The following LVRN variants were observed in gnomAD, a reference collection of about 807,000 sequenced individuals.
LVRN encodes aminopeptidase Q.
A neutral mutation model predicts 111.4 loss-of-function variants in LVRN; 99 were observed. The ratio of observed to expected loss-of-function variants is 0.89; its 90% confidence interval spans 0.76 to 1.05. LVRN has a LOEUF of 1.05. LVRN is among the 50% of genes least tolerant of loss of function. The pLI is 0.00. For missense variants in LVRN, 1,414 were observed against 1,206.8 expected (o/e 1.17, Z -2.54); for synonymous variants, 488 against 449.5 (o/e 1.09, Z -1.08).
At chr5:115,992,393 C>T (rs1438726261) in intron 5 of LVRN, 116 bp downstream of exon 5, 11 of 1,203,084 alleles carry the variant, frequency 9.1e-6, no homozygotes, top group African/African-American at 1.5e-5. Context: ...AAAAGAAAAA[C>T]ATCTCAAAGT....
intron 6 of LVRN, among the ~76,000 whole-genome samples, chr5:115,997,568 G>A (rs763052656): frequency 2.9e-4 from 44 of 152,070 alleles, no homozygotes; most frequent in Non-Finnish European, 5.4e-4. Flanking sequence ...GGAGGCTGCA[G>A]TGAGAGGATT....
chr5:115,983,070 A>C (rs1176457198), intron 1 of LVRN, among the ~76,000 whole-genome samples: 3 of 152,130 alleles, frequency 2.0e-5, no homozygotes, highest in Non-Finnish European at 4.4e-5. Flanking sequence ...TTTGTGGTTT[A>C]AAAGTAAAGG....
chr5:115,990,992 G>A (rs1747973342), intron 4 of LVRN, among the ~76,000 whole-genome samples: 1 of 151,994 alleles, frequency 6.6e-6, no homozygotes, highest in Non-Finnish European at 1.5e-5. Flanking sequence ...CCTTTCTCCT[G>A]TTGTCAACAT....
chr5:116,015,319 G>C lies in LVRN; in HGVS notation c.2518G>C (p.Asp840His). 1 of 1,612,348 alleles carries C rather than the reference G, an allele frequency of 6.2e-7. No homozygotes were observed. The highest frequency in any genetic ancestry group is 8.5e-7 in the Non-Finnish European group (1 of 1,179,252). ...GIALGSDKEW[D>H]ILLNTYTNTT... ...TGCCTTGGGAAGTGATAAAGAGTGG[G>C]ACATCTTGTTAAATACTTACACTAA... The change falls in exon 17 of 20, where the codon GAC becomes CAC. Residue 840 changes from aspartate (D) to histidine (H), a missense_variant. Physicochemically the swap from Asp to His is moderately conservative, Grantham distance 81. Coordinates refer to ENST00000357872, the MANE Select transcript of LVRN (RefSeq NM_173800.5).
In LVRN at chr5:115,962,574, A is replaced by G; in HGVS notation, c.-44A>G. On this transcript the variant is annotated 5_prime_UTR_variant, in exon 1 of 20. Transcript: ENST00000357872. ...CCTGGCCGGGGTTTTGACAGCTGCC[A>G]CAGTCTCTGAGCTCCAGCCTCGCGC... 6.4e-7 allele frequency: 1 copy of G among 1,551,106 alleles called. No individual in the cohort carries two copies. Among genetic ancestry groups the G allele is most frequent in the Non-Finnish European group, 8.7e-7 (1 of 1,145,502 alleles).
Position 116,016,544 on chromosome 5 carries a change from C to T in LVRN, c.2756+779C>T, listed in dbSNP as rs185116563. On this transcript the variant is annotated intron_variant, in intron 18 of 19. Coordinates refer to ENST00000357872, the MANE Select transcript of LVRN (RefSeq NM_173800.5). ...CGCACATTCCACTGCATGCTACTTACGAAGATGGGGATGATAAGCCTTCTG... is the reference window on the plus strand; with the variant it reads ...CGCACATTCCACTGCATGCTACTTATGAAGATGGGGATGATAAGCCTTCTG... Among the ~76,000 whole-genome samples, 241 of 152,282 alleles carry T rather than the reference C, an allele frequency of 1.6e-3. 2 individuals are homozygous for T. The highest frequency in any genetic ancestry group is 2.8e-3 in the Non-Finnish European group (188 of 68,022).
At chr5:116,012,492 A>G in intron 15 of LVRN, 24 bp downstream of exon 15, 1 of 1,329,776 alleles carries the variant, frequency 7.5e-7, no homozygotes, top group Non-Finnish European at 1.0e-6. Context: ...CAGAAGTGAT[A>G]ATTGAATAAA....
intron 6 of LVRN, chr5:115,995,508 G>C (rs532520857): frequency 3.3e-5 from 5 of 152,172 alleles, no homozygotes; most frequent in African/African-American, 9.7e-5. Context: ...AAGTTTGGAC[G>C]TCATTATATA....
intron 18 of LVRN, chr5:116,019,983 G>A (rs988418241): frequency 6.6e-6 from 1 of 152,286 alleles, no homozygotes; most frequent in African/African-American, 2.4e-5. Flanking sequence ...GGCACATGTT[G>A]GAGTTGAGTA....
rs535266514 is a variant in LVRN at position 115,963,163 on chromosome 5, G to T, written c.546G>T (p.Ala182=). 9.3e-6 allele frequency: 15 copies of T among 1,612,978 alleles called. No homozygotes were observed. Among genetic ancestry groups the T allele is most frequent in the Middle Eastern group, 3.3e-4 (2 of 6,062 alleles). Residue 182 remains alanine (A), a synonymous_variant, in exon 1 of 20, where the codon GCG becomes GCT. Coordinates refer to ENST00000357872, the MANE Select transcript of LVRN (RefSeq NM_173800.5). ...TGCCCGTGGACGACGTGTGGTTCGC[G>T]CTGGACACGGAATACATGGTGCTGG... is the stretch of plus-strand genomic sequence containing the variant. The part of the protein sequence containing the change: ...GRVPVDDVWF[A]LDTEYMVLEL...
intron 2 of LVRN, 42 bp from the exon 3 acceptor site, chr5:115,984,528 G>C (rs1453493517): frequency 1.9e-6 from 3 of 1,603,548 alleles, no homozygotes; most frequent in Non-Finnish European, 2.6e-6. Context: ...ACATGTAATT[G>C]CTTAGATTTG....
Position 115,974,875 on chromosome 5 carries a change from A to G in LVRN, c.696-8412A>G, listed in dbSNP as rs942207012. On this transcript the variant is annotated intron_variant, in intron 1 of 19. Transcript: ENST00000357872. ...ATTCTCTAATGCTCTCTCCCGACCA[A>G]TCTCTCTGTTCTGTATCACCATGCA... The G allele has an allele frequency of 6.0e-5, 25 of 416,110 alleles. No individual in the cohort carries two copies. In the Admixed American group the frequency reaches 6.6e-4, roughly 11 times the overall value. 25.8% of individuals were successfully genotyped at this position (416,110 alleles called of 1,614,324 possible). A position where few individuals can be genotyped will look rare whatever the true frequency, so the allele number is the denominator to read the frequency against.
chr5:116,014,357 G>T, intron 15 of LVRN, 63 bp from the exon 16 acceptor site: 1 of 1,111,892 alleles, frequency 9.0e-7, no homozygotes, highest in South Asian at 1.3e-5. Flanking sequence ...CATATTCTTG[G>T]AGGCAGAGAA....
rs79783914 is a variant in LVRN at position 116,003,406 on chromosome 5, T to C, written c.2037+26T>C. On this transcript the variant is annotated intron_variant, in intron 12 of 19. Coordinates refer to ENST00000357872, the MANE Select transcript of LVRN (RefSeq NM_173800.5). ...GTAAGGTTACTTTTGATACTTTTAA[T>C]TAAATATAATTTATAATGCCTTCTC... 1.3e-3 allele frequency: 1,755 copies of C among 1,301,080 alleles called. 23 individuals carry two copies. In the African/African-American group the frequency reaches 0.025, roughly 19 times the overall value. 80.6% of individuals were successfully genotyped at this position (1,301,080 alleles called of 1,614,324 possible). A position where few individuals can be genotyped will look rare whatever the true frequency, so the allele number is the denominator to read the frequency against.
In LVRN at chr5:116,015,608, T is replaced by A; in HGVS notation, c.2619-20T>A. On this transcript the variant is annotated intron_variant, in intron 17 of 19. Coordinates refer to ENST00000357872, the MANE Select transcript of LVRN (RefSeq NM_173800.5). ...ATGTTGGATGTTTAAAATGTATTTT[T>A]TGAAAATGCACTTTTGCAGATATAT... is the stretch of plus-strand genomic sequence containing the variant. 1 of 1,582,506 alleles carries A rather than the reference T, an allele frequency of 6.3e-7. No homozygotes were observed. Among genetic ancestry groups the A allele is most frequent in the Non-Finnish European group, 8.6e-7 (1 of 1,166,046 alleles).
chr5:116,018,868 G>A (rs567073892), intron 18 of LVRN, among the ~76,000 whole-genome samples: 2 of 151,890 alleles, frequency 1.3e-5, no homozygotes, highest in African/African-American at 4.8e-5. Flanking sequence ...AATTTTTTAG[G>A]GTAGTTTTAA....
chr5:115,990,620 A>G (rs1284651178), intron 4 of LVRN, among the ~76,000 whole-genome samples: 1 of 152,176 alleles, frequency 6.6e-6, no homozygotes, highest in Non-Finnish European at 1.5e-5. Flanking sequence ...CACCCAGCCT[A>G]GAGTGCAGTG....
At chr5:115,997,904 G>A (rs1748153476) in intron 6 of LVRN, among the ~76,000 whole-genome samples, 1 of 152,174 alleles carries the variant, frequency 6.6e-6, no homozygotes. Flanking sequence ...TTGAGGAAGA[G>A]GTGTTTGCCT....
chr5:115,979,318 T>TC (rs1475916012), intron 1 of LVRN, among the ~76,000 whole-genome samples: 1 of 152,188 alleles, frequency 6.6e-6, no homozygotes, highest in Non-Finnish European at 1.5e-5. Context: ...CTTCTAAGCC[T>TC]CTCAGCCTCA....
Sources: gnomAD v4.1 joint callset for allele counts (sites outside exome capture counted in the v4.1 genomes callset) on GRCh38, gnomAD v4.1.1 for gene constraint, MANE v1.5 for transcripts, NCBI Gene and HGNC (gene_info 2026-07-23, HGNC 2026-07-21) for gene names.